The following ZNF322 variants were observed in gnomAD, a reference collection of about 807,000 sequenced individuals.
ZNF322 encodes the protein HLA complex group 12.
In ZNF322, 1 loss-of-function variant was observed where a neutral mutation model predicts 18.3. The ratio of observed to expected loss-of-function variants is 0.05; its 90% confidence interval spans 0.02 to 0.26. ZNF322 has a LOEUF of 0.26. ZNF322 is among the 10% of genes least tolerant of loss of function. The probability of loss-of-function intolerance (pLI) is 1.00; values close to 1 mark genes in which losing one functional copy is unlikely to be tolerated. For missense variants in ZNF322, 36 were observed against 403.6 expected, an observed-to-expected ratio of 0.09 and a Z score of 7.80; for synonymous variants, 17 against 130.7, an observed-to-expected ratio of 0.13 and a Z score of 5.93.
Position 26,652,963 on chromosome 6 carries a change from C to T in ZNF322, c.-246+5595G>A, listed in dbSNP as rs142102827. Among the ~76,000 whole-genome samples the T allele has an allele frequency of 1.7e-4, 26 of 152,004 alleles. No homozygotes were observed. In the East Asian group the frequency reaches 4.4e-3, roughly 26 times the overall value. On this transcript the variant is annotated intron_variant, in intron 2 of 3. Coordinates refer to ENST00000415922, the MANE Select transcript of ZNF322 (RefSeq NM_024639.5). ...GTTTTGCTATGAACCTAACAGTTCT[C>T]TAAAAAATAAAGTCTATAAAAAATG...
chr6:26,653,210 G>A (rs1241850397), intron 2 of ZNF322, among the ~76,000 whole-genome samples: 6 of 152,080 alleles, frequency 3.9e-5, no homozygotes, highest in African/African-American at 1.4e-4. Context: ...ACATTAAAAG[G>A]CATGACAATG....
intron 2 of ZNF322, among the ~76,000 whole-genome samples, chr6:26,646,165 AAG>A (rs1274678592): frequency 1.3e-5 from 2 of 152,142 alleles, no homozygotes; most frequent in Non-Finnish European, 2.9e-5. Context: ...GTAGAAAAAA[AAG>A]TAACAAAATA....
At chr6:26,642,958 C>T (rs1019035431) in intron 3 of ZNF322, among the ~76,000 whole-genome samples, 2 of 152,224 alleles carry the variant, frequency 1.3e-5, no homozygotes, top group Admixed American at 6.5e-5. Flanking sequence ...CAGAGTCTAA[C>T]CACTTCTCAC....
intron 3 of ZNF322, among the ~76,000 whole-genome samples, chr6:26,642,667 C>T (rs572389339): frequency 2.0e-5 from 3 of 152,286 alleles, no homozygotes; most frequent in Middle Eastern, 6.8e-3. Flanking sequence ...CAAAGCCTAA[C>T]GTATCACAAG....
chr6:26,640,467 G>C (rs1554148195), intron 3 of ZNF322, among the ~76,000 whole-genome samples: 1 of 152,088 alleles, frequency 6.6e-6, no homozygotes, highest in Non-Finnish European at 1.5e-5. Context: ...CCTGGATGAA[G>C]GGCTCTTCCT....
chr6:26,643,984 A>G (rs2113662299), intron 2 of ZNF322, among the ~76,000 whole-genome samples: 1 of 152,326 alleles, frequency 6.6e-6, no homozygotes, highest in South Asian at 2.1e-4. Flanking sequence ...ACATTGAAGG[A>G]AAGGGCTCCT....
intron 2 of ZNF322, among the ~76,000 whole-genome samples, chr6:26,655,213 T>A (rs1215750026): frequency 6.6e-6 from 1 of 152,196 alleles, no homozygotes; most frequent in African/African-American, 2.4e-5. Flanking sequence ...ACAGAAAACA[T>A]TTTTTTCTTT....
chr6:26,657,376 A>G (rs1443537582), intron 2 of ZNF322, among the ~76,000 whole-genome samples: 1 of 152,108 alleles, frequency 6.6e-6, no homozygotes, highest in Non-Finnish European at 1.5e-5. Context: ...TCAGCCTCAC[A>G]GGCCATCTCC....
chr6:26,657,711 A>C (rs1765807110), intron 2 of ZNF322, among the ~76,000 whole-genome samples: 1 of 152,136 alleles, frequency 6.6e-6, no homozygotes, highest in African/African-American at 2.4e-5. Flanking sequence ...GAAAAGTGTG[A>C]ACAAATACCA....
chr6:26,642,357 C>T (rs1554148395), intron 3 of ZNF322, among the ~76,000 whole-genome samples: 11 of 152,110 alleles, frequency 7.2e-5, no homozygotes, highest in Non-Finnish European at 1.5e-5. Flanking sequence ...TGCTGAGCGC[C>T]GGTCCCCTGG....
At chr6:26,658,936 CCTT>C (rs1239987224) in intron 1 of ZNF322, 2 of 152,170 alleles carry the variant, frequency 1.3e-5, no homozygotes, top group Non-Finnish European at 2.9e-5. Flanking sequence ...TGTTTTTTCT[CCTT>C]CTGCTAATTG....
In ZNF322 at chr6:26,638,795, T is replaced by A. The variant is rs993264836; in HGVS notation, c.-175-67A>T. 4.3e-5 allele frequency: 25 copies of A among 585,758 alleles called. No individual in the cohort carries two copies. In the Admixed American group the frequency reaches 9.4e-4, roughly 22 times the overall value. The allele number at this position is 585,758 out of a possible 1,614,324, so 36.3% of individuals were successfully genotyped here. A position where few individuals can be genotyped will look rare whatever the true frequency, so the allele number is the denominator to read the frequency against. On this transcript the variant is annotated intron_variant, in intron 3 of 3. Coordinates refer to ENST00000415922, the MANE Select transcript of ZNF322 (RefSeq NM_024639.5). ...AAGAAAAGAATTCTCAAAATTAAAA[T>A]CACTGCAGAAAAGACAAACTCTGTA...
At chr6:26,641,445 G>C (rs1277130628) in intron 3 of ZNF322, among the ~76,000 whole-genome samples, 1 of 152,150 alleles carries the variant, frequency 6.6e-6, no homozygotes, top group Non-Finnish European at 1.5e-5. Flanking sequence ...AAACAAAACA[G>C]ACATGTTTAT....
At chr6:26,640,507 C>T (rs563235381) in intron 3 of ZNF322, among the ~76,000 whole-genome samples, 12 of 152,290 alleles carry the variant, frequency 7.9e-5, no homozygotes, top group South Asian at 4.1e-4. Flanking sequence ...TCTCTCTCAC[C>T]TCATTCACAT....
At chr6:26,643,995 A>G (rs1340784354) in intron 2 of ZNF322, among the ~76,000 whole-genome samples, 1 of 152,210 alleles carries the variant, frequency 6.6e-6, no homozygotes, top group Non-Finnish European at 1.5e-5. Flanking sequence ...AAGGGCTCCT[A>G]ACACTAAATC....
chr6:26,656,338 G>A (rs550893936), intron 2 of ZNF322, among the ~76,000 whole-genome samples: 6 of 152,184 alleles, frequency 3.9e-5, no homozygotes, highest in South Asian at 2.1e-4. Context: ...AGACACTGCC[G>A]GTACTAAGCT....
intron 2 of ZNF322, among the ~76,000 whole-genome samples, chr6:26,646,415 A>G (rs544079124): frequency 1.3e-4 from 20 of 152,302 alleles, no homozygotes; most frequent in African/African-American, 4.3e-4. Flanking sequence ...TTTGATCCTG[A>G]TATCAGGCAA....
Position 26,636,752 on chromosome 6 carries a change from G to GTT in ZNF322, c.*591_*592dup, listed in dbSNP as rs550372295. The GTT allele has an allele frequency of 1.4e-3, 140 of 103,300 alleles. No individual in the cohort carries two copies. The highest frequency in any genetic ancestry group is 8.6e-3 in the South Asian group (22 of 2,568). The allele number at this position is 103,300 out of a possible 1,614,324, so 6.4% of individuals were successfully genotyped here. A position where few individuals can be genotyped will look rare whatever the true frequency, so the allele number is the denominator to read the frequency against. ...CACTTGCAGTCTTTCCTCAGATTGG[G>GTT]TTTTTTTTTTTGGGTGCAAACCCAA... On this transcript the variant is annotated 3_prime_UTR_variant, in exon 4 of 4. Transcript: ENST00000415922.
intron 2 of ZNF322, among the ~76,000 whole-genome samples, chr6:26,644,783 CATTT>C (rs782043141): frequency 1.3e-5 from 2 of 152,216 alleles, no homozygotes; most frequent in Admixed American, 6.5e-5. Context: ...GTTTTCACAC[CATTT>C]ATTTATTTAT....
Sources: allele counts gnomAD v4.1 joint callset (sites outside exome capture counted in the v4.1 genomes callset), GRCh38; gene constraint gnomAD v4.1.1; transcripts MANE v1.5; gene names NCBI Gene and HGNC (gene_info 2026-07-23, HGNC 2026-07-21).